Variants in FARS2 observed in about 807,000 individuals in gnomAD.
FARS2 encodes phenylalanine--tRNA ligase, mitochondrial.
In FARS2, 40 loss-of-function variants were observed where a neutral mutation model predicts 46.4. The observed-to-expected ratio is 0.86, with a 90% CI of 0.67 to 1.12. The LOEUF (loss-of-function observed/expected upper bound fraction) is 1.12, where lower values mean the gene tolerates loss of function less well. Among genes scored for constraint, FARS2 ranks in the 50% most tolerant of loss-of-function variants. FARS2 has a pLI of 0.00. For missense variants in FARS2, 513 were observed against 567.9 expected, an observed-to-expected ratio of 0.90 and a Z score of 0.98; for synonymous variants, 234 against 214.9, an observed-to-expected ratio of 1.09 and a Z score of -0.78.
chr6:5,464,254 AG>A (rs1452100123), intron 4 of FARS2, among the ~76,000 whole-genome samples: 1 of 152,240 alleles, frequency 6.6e-6, no homozygotes, highest in African/African-American at 2.4e-5. Context: ...CTTGAGGAAC[AG>A]GCTGCGACTC....
chr6:5,340,354 A>G (rs1771469445), intron 1 of FARS2, among the ~76,000 whole-genome samples: 1 of 152,200 alleles, frequency 6.6e-6, no homozygotes, highest in Non-Finnish European at 1.5e-5. Flanking sequence ...AAATAGCTCA[A>G]GTTTATTGAT....
intron 4 of FARS2, among the ~76,000 whole-genome samples, chr6:5,459,233 T>A (rs1349740857): frequency 6.6e-6 from 1 of 152,202 alleles, no homozygotes; most frequent in Non-Finnish European, 1.5e-5. Flanking sequence ...CTTGGATACA[T>A]CAGAAACAAA....
chr6:5,547,195 G>A (rs960865695), intron 5 of FARS2, among the ~76,000 whole-genome samples: 4 of 152,000 alleles, frequency 2.6e-5, no homozygotes, highest in African/African-American at 9.7e-5. Flanking sequence ...CAGGTGATCT[G>A]CCCATCTTGG....
At chr6:5,309,601 T>C (rs962846568) in intron 1 of FARS2, among the ~76,000 whole-genome samples, 2 of 152,180 alleles carry the variant, frequency 1.3e-5, no homozygotes, top group African/African-American at 2.4e-5. Context: ...TAGGATCTTA[T>C]GACAGCCAAA....
At chr6:5,431,321 C>T in intron 4 of FARS2, 149 bp downstream of exon 4, 3 of 809,006 alleles carry the variant, frequency 3.7e-6, no homozygotes, top group Non-Finnish European at 5.9e-6. Context: ...CTAGATTTGT[C>T]TTTGATACTA....
chr6:5,269,949 C>T (rs1765830791), intron 1 of FARS2, among the ~76,000 whole-genome samples: 1 of 152,162 alleles, frequency 6.6e-6, no homozygotes, highest in Non-Finnish European at 1.5e-5. Context: ...TTCAGCCTGG[C>T]AAACTTGTAA....
chr6:5,613,255 A>G lies in FARS2; in HGVS notation c.1152A>G (p.Leu384=). ...ENYAENDFYD[L]VRTIGGDLVE... is the part of the protein sequence containing the mutation. ...ACGCAGAAAATGATTTCTATGACTTAGTCCGAACAATTGGAGGAGACCTGG... is the reference window on the plus strand; with the variant it reads ...ACGCAGAAAATGATTTCTATGACTTGGTCCGAACAATTGGAGGAGACCTGG... The change falls in exon 6 of 7, where the codon TTA becomes TTG. Residue 384 remains leucine (L), a synonymous_variant. Transcript: ENST00000274680. 6.2e-7 allele frequency: 1 copy of G among 1,613,458 alleles called. No homozygotes were observed. Among genetic ancestry groups the G allele is most frequent in the South Asian group, 1.1e-5 (1 of 91,058 alleles).
At chr6:5,604,800 G>A (rs78715448) in intron 5 of FARS2, among the ~76,000 whole-genome samples, 2 of 152,000 alleles carry the variant, frequency 1.3e-5, no homozygotes, top group East Asian at 1.9e-4. Context: ...CCCTTAAGTC[G>A]GTCGTCTCAG....
intron 4 of FARS2, among the ~76,000 whole-genome samples, chr6:5,532,742 C>T (rs1769926693): frequency 6.6e-6 from 1 of 150,652 alleles, no homozygotes; most frequent in African/African-American, 2.5e-5. Flanking sequence ...CAGTGTGAGA[C>T]TCTGTTTCAA....
intron 6 of FARS2, among the ~76,000 whole-genome samples, chr6:5,626,145 G>C (rs1007024212): frequency 2.0e-5 from 3 of 152,088 alleles, no homozygotes; most frequent in Admixed American, 2.0e-4. Flanking sequence ...GCCTGAAGGA[G>C]GCCTGGTACG....
intron 2 of FARS2, among the ~76,000 whole-genome samples, chr6:5,402,006 T>TTC (rs573802806): frequency 3.8e-4 from 57 of 151,962 alleles, no homozygotes; most frequent in Non-Finnish European, 6.8e-4. Flanking sequence ...TGTTTTTTTT[T>TTC]CCCTCTTTAA....
Position 5,546,466 on chromosome 6 carries a change from G to A in FARS2, c.1065+1126G>A, listed in dbSNP as rs922703871. On this transcript the variant is annotated intron_variant, in intron 5 of 6. Coordinates refer to ENST00000274680, the MANE Select transcript of FARS2 (RefSeq NM_006567.5). ...GGGGTTTCACCATGTTGGCCAGGCT[G>A]GTCTCAAACTCCTGACCTTGTGATT... is the stretch of plus-strand genomic sequence containing the variant. Among the ~76,000 whole-genome samples the A allele has an allele frequency of 4.0e-5, 6 of 151,292 alleles. No individual in the cohort carries two copies. In the East Asian group the frequency reaches 5.8e-4, roughly 15 times the overall value.
intron 5 of FARS2, among the ~76,000 whole-genome samples, chr6:5,603,007 C>T (rs1465594925): frequency 2.6e-5 from 4 of 152,146 alleles, no homozygotes; most frequent in African/African-American, 9.7e-5. Context: ...GCATATTGGC[C>T]TCAGTCATGT....
At chr6:5,576,500 G>C (rs923809482) in intron 5 of FARS2, among the ~76,000 whole-genome samples, 20 of 150,452 alleles carry the variant, frequency 1.3e-4, no homozygotes, top group African/African-American at 4.2e-4. Context: ...GCCTATTTTG[G>C]GACCTTGTGA....
At chr6:5,487,657 C>T (rs929251526) in intron 4 of FARS2, among the ~76,000 whole-genome samples, 1 of 152,162 alleles carries the variant, frequency 6.6e-6, no homozygotes, top group Non-Finnish European at 1.5e-5. Context: ...GTGGTCTCCC[C>T]AACACGCATG....
intron 5 of FARS2, chr6:5,609,770 C>T (rs1365163721): frequency 1.0e-5 from 15 of 1,497,758 alleles, no homozygotes; most frequent in Admixed American, 5.0e-5. Flanking sequence ...GCCACTGCCT[C>T]GGTCAGTCAT....
At chr6:5,520,789 G>A (rs1769086660) in intron 4 of FARS2, among the ~76,000 whole-genome samples, 1 of 151,074 alleles carries the variant, frequency 6.6e-6, no homozygotes, top group African/African-American at 2.4e-5. Context: ...AGCCCCAAAA[G>A]GAAGTAAAAT....
chr6:5,259,363 T>G (rs113733283), upstream of FARS2, among the ~76,000 whole-genome samples: 2 of 152,240 alleles, frequency 1.3e-5, no homozygotes, highest in African/African-American at 2.4e-5. Flanking sequence ...AGTATGCTTA[T>G]TATTACACTC....
intron 5 of FARS2, among the ~76,000 whole-genome samples, chr6:5,551,250 C>T (rs1771356524): frequency 2.6e-5 from 4 of 152,208 alleles, no homozygotes; most frequent in Admixed American, 2.6e-4. Context: ...GATCCCCTTT[C>T]CTCCACCTTC....
Sources: allele counts gnomAD v4.1 joint callset (sites outside exome capture counted in the v4.1 genomes callset), GRCh38; gene constraint gnomAD v4.1.1; transcripts MANE v1.5; gene names NCBI Gene and HGNC (gene_info 2026-07-23, HGNC 2026-07-21).